KCNMA1: variants seen among roughly 807,000 people sequenced by gnomAD.
KCNMA1 encodes potassium calcium-activated channel subfamily M alpha 1.
A neutral mutation model predicts 140.0 loss-of-function variants in KCNMA1; 29 were observed. The observed-to-expected ratio is 0.21, with a 90% confidence interval of 0.15 to 0.28. The LOEUF (loss-of-function observed/expected upper bound fraction) is 0.28, where lower values mean the gene tolerates loss of function less well. Ranked by LOEUF, KCNMA1 falls within the 10% of genes least tolerant of loss-of-function variation. The pLI is 1.00. For missense variants in KCNMA1, 880 were observed against 1,602.2 expected (o/e 0.55, Z 7.70); for synonymous variants, 612 against 611.9 (o/e 1.00, Z 0.00).
chr10:76,952,059 G>C (rs1221194523), intron 21 of KCNMA1: 2 of 1,552,118 alleles, frequency 1.3e-6, no homozygotes, highest in Non-Finnish European at 8.7e-7. Flanking sequence ...TTTTATGCTG[G>C]CAGGAGATGT....
At chr10:77,237,900 G>C (rs1209455000) in intron 3 of KCNMA1, among the ~76,000 whole-genome samples, 3 of 152,176 alleles carry the variant, frequency 2.0e-5, no homozygotes, top group Non-Finnish European at 4.4e-5. Context: ...GCAAAGCTCT[G>C]TGACCTTCTA....
chr10:77,604,118 T>C (rs749239110), intron 1 of KCNMA1, among the ~76,000 whole-genome samples: 3 of 152,244 alleles, frequency 2.0e-5, no homozygotes, highest in Non-Finnish European at 2.9e-5. Flanking sequence ...TGCAGCAGGA[T>C]GCCAACTTGT....
At chr10:77,155,116 C>G (rs1050111987) in intron 5 of KCNMA1, among the ~76,000 whole-genome samples, 1 of 151,966 alleles carries the variant, frequency 6.6e-6, no homozygotes, top group Non-Finnish European at 1.5e-5. Context: ...CTTTATGGGC[C>G]GTAAGGAGGT....
chr10:76,889,854 C>T, intron 26 of KCNMA1: 1 of 457,998 alleles, frequency 2.2e-6, no homozygotes, highest in Non-Finnish European at 4.0e-6. Context: ...TTATGCTTCT[C>T]CCTCACTTTA....
At chr10:77,483,040 A>ACACC (rs1491190921) in intron 1 of KCNMA1, among the ~76,000 whole-genome samples, 1 of 108,296 alleles carries the variant, frequency 9.2e-6, no homozygotes, top group Admixed American at 1.0e-4. Context: ...ACACACACAC[A>ACACC]CCCCTTGTTC....
intron 25 of KCNMA1, among the ~76,000 whole-genome samples, chr10:76,892,344 A>G (rs1175570086): frequency 2.6e-5 from 4 of 152,214 alleles, no homozygotes; most frequent in African/African-American, 9.7e-5. Flanking sequence ...GTCTGAGGCA[A>G]ATATCACTTA....
At chr10:76,913,832 T>G in intron 24 of KCNMA1, 1 of 511,232 alleles carries the variant, frequency 2.0e-6, no homozygotes, top group East Asian at 3.1e-5. Context: ...GTCAGATGGG[T>G]GTGATCAAAG....
intron 2 of KCNMA1, among the ~76,000 whole-genome samples, chr10:77,345,406 T>C (rs556511532): frequency 3.7e-4 from 57 of 152,196 alleles, no homozygotes; most frequent in Non-Finnish European, 7.9e-4. Context: ...ATGGACTGAG[T>C]ACCTTCAAAA....
At chr10:76,922,810 T>C (rs2056360880) in intron 23 of KCNMA1, among the ~76,000 whole-genome samples, 1 of 152,206 alleles carries the variant, frequency 6.6e-6, no homozygotes, top group Non-Finnish European at 1.5e-5. Flanking sequence ...GGATTTCACT[T>C]GTGCCAAAAT....
intron 18 of KCNMA1, among the ~76,000 whole-genome samples, chr10:77,002,723 T>A (rs1219112652): frequency 6.6e-6 from 1 of 152,160 alleles, no homozygotes; most frequent in Non-Finnish European, 1.5e-5. Context: ...AATTTATATT[T>A]CAGTACAAGA....
intron 1 of KCNMA1, among the ~76,000 whole-genome samples, chr10:77,512,688 T>A (rs1264041863): frequency 1.3e-5 from 2 of 152,030 alleles, no homozygotes; most frequent in Non-Finnish European, 2.9e-5. Context: ...GGAGCCCTTA[T>A]AAGAAAAGGA....
chr10:77,308,835 C>T (rs1050991709), intron 2 of KCNMA1, among the ~76,000 whole-genome samples: 1 of 152,174 alleles, frequency 6.6e-6, no homozygotes, highest in African/African-American at 2.4e-5. Context: ...CTTTGAGATC[C>T]TCATGAGAAA....
intron 1 of KCNMA1, among the ~76,000 whole-genome samples, chr10:77,430,647 T>C (rs1308070894): frequency 1.3e-5 from 2 of 152,142 alleles, no homozygotes; most frequent in Admixed American, 6.5e-5. Flanking sequence ...CAGGCACTTT[T>C]TGCAGACATA....
chr10:77,089,550 G>A (rs1189983431), intron 10 of KCNMA1, among the ~76,000 whole-genome samples: 1 of 152,060 alleles, frequency 6.6e-6, no homozygotes, highest in African/African-American at 2.4e-5. Context: ...GAGATACCTT[G>A]CTTTCCTCCC....
chr10:77,067,817 A>G (rs917609163), intron 14 of KCNMA1, among the ~76,000 whole-genome samples: 1 of 152,220 alleles, frequency 6.6e-6, no homozygotes, highest in African/African-American at 2.4e-5. Flanking sequence ...GTGCCCATAC[A>G]TCCAAGTCAG....
At chr10:77,487,378 A>G (rs1381095809) in intron 1 of KCNMA1, among the ~76,000 whole-genome samples, 1 of 152,164 alleles carries the variant, frequency 6.6e-6, no homozygotes, top group African/African-American at 2.4e-5. Flanking sequence ...GCCACACAGA[A>G]GTGTAATACA....
At chr10:76,966,836 T>C (rs2153110202) in intron 20 of KCNMA1, among the ~76,000 whole-genome samples, 1 of 152,296 alleles carries the variant, frequency 6.6e-6, no homozygotes, top group East Asian at 1.9e-4. Flanking sequence ...GTCCTCAGCC[T>C]GGGGCCCAGA....
In KCNMA1 at chr10:77,489,344, A is replaced by T. The variant is rs1366797901; in HGVS notation, c.379-85321T>A. ...TTTATTTATTTTTTATTATTTATTT[A>T]TTTTTTTTGAGATGGAGTCTCACTC... is the stretch of plus-strand genomic sequence containing the variant. On this transcript the variant is annotated intron_variant, in intron 1 of 27. Transcript: ENST00000286628. Among the ~76,000 whole-genome samples, 8 of 151,426 alleles carry T rather than the reference A, an allele frequency of 5.3e-5. No homozygotes were observed. The East Asian group carries it at 5.8e-4, about 11-fold the overall frequency.
At chr10:77,087,668 C>A (rs933911550) in intron 10 of KCNMA1, among the ~76,000 whole-genome samples, 20 of 152,202 alleles carry the variant, frequency 1.3e-4, no homozygotes, top group Non-Finnish European at 2.6e-4. Flanking sequence ...GTACTGACAT[C>A]TTTCTCTTTG....
Sources: allele counts gnomAD v4.1 joint callset (sites outside exome capture counted in the v4.1 genomes callset), GRCh38; gene constraint gnomAD v4.1.1; transcripts MANE v1.5; gene names NCBI Gene and HGNC (gene_info 2026-07-23, HGNC 2026-07-21).